TUSC3: variants seen among roughly 807,000 people sequenced by gnomAD.
TUSC3 encodes the protein tumor suppressor candidate 3.
In TUSC3, 45 loss-of-function variants were observed where a neutral mutation model predicts 44.8. That is an observed-to-expected ratio of 1.00 (90% CI 0.79 to 1.29). The LOEUF is 1.29. Among genes scored for constraint, TUSC3 ranks in the 50% most tolerant of loss-of-function variants. The pLI, the probability that TUSC3 is intolerant of heterozygous loss-of-function variation, is 0.00. For missense variants in TUSC3, 519 were observed against 437.9 expected (o/e 1.19, Z -1.65); for synonymous variants, 212 against 152.9 (o/e 1.39, Z -2.85).
intron 2 of TUSC3, among the ~76,000 whole-genome samples, chr8:15,641,166 C>G (rs992821449): frequency 6.6e-6 from 1 of 151,768 alleles, no homozygotes; most frequent in African/African-American, 2.4e-5. Flanking sequence ...CGAGACCATC[C>G]TGGCCAACAT....
chr8:15,820,718 C>G, the TUSC3 span, among the ~76,000 whole-genome samples: 9 of 152,138 alleles, frequency 5.9e-5, no homozygotes, highest in African/African-American at 2.2e-4. Context: ...TTCCTATTTT[C>G]TGAAAAATTT....
At chr8:15,684,755 G>C (rs568690949) in intron 6 of TUSC3, among the ~76,000 whole-genome samples, 3 of 152,306 alleles carry the variant, frequency 2.0e-5, no homozygotes, top group Admixed American at 6.5e-5. Flanking sequence ...TCCCTGGGTG[G>C]TGTGGTCAAG....
intron 1 of TUSC3, among the ~76,000 whole-genome samples, chr8:15,581,959 A>G (rs1384986464): frequency 6.6e-6 from 1 of 150,586 alleles, no homozygotes; most frequent in Non-Finnish European, 1.5e-5. Flanking sequence ...GCAGTCAGCG[A>G]GATTCCGTGG....
chr8:15,593,603 A>G (rs998385058), intron 1 of TUSC3, among the ~76,000 whole-genome samples: 7 of 152,184 alleles, frequency 4.6e-5, no homozygotes, highest in African/African-American at 1.4e-4. Context: ...TATTGTCACA[A>G]AGATTAATTT....
chr8:15,720,623 G>C (rs1022804104), intron 6 of TUSC3, among the ~76,000 whole-genome samples: 2 of 152,052 alleles, frequency 1.3e-5, no homozygotes, highest in Non-Finnish European at 2.9e-5. Context: ...GAATGCAGTG[G>C]TCCTGGACAT....
At chr8:15,638,100 G>A (rs1025426432) in intron 2 of TUSC3, among the ~76,000 whole-genome samples, 13 of 152,000 alleles carry the variant, frequency 8.6e-5, no homozygotes, top group Non-Finnish European at 1.2e-4. Flanking sequence ...CCATGTTATA[G>A]ACCTGTTCTC....
chr8:15,804,936 A>T, the TUSC3 span, among the ~76,000 whole-genome samples: 2 of 152,116 alleles, frequency 1.3e-5, no homozygotes, highest in Non-Finnish European at 1.5e-5. Flanking sequence ...GGCCATTTTA[A>T]CAATATTGAT....
intron 1 of TUSC3, among the ~76,000 whole-genome samples, chr8:15,567,822 C>G (rs1361935478): frequency 6.6e-6 from 1 of 152,158 alleles, no homozygotes; most frequent in Non-Finnish European, 1.5e-5. Context: ...TAAGGACTAT[C>G]TCCTGTGGCA....
At chr8:15,645,471 A>G (rs1451756477) in intron 2 of TUSC3, among the ~76,000 whole-genome samples, 2 of 152,134 alleles carry the variant, frequency 1.3e-5, no homozygotes, top group African/African-American at 4.8e-5. Context: ...CCAGCTCACT[A>G]TTATCTCATC....
intron 1 of TUSC3, among the ~76,000 whole-genome samples, chr8:15,562,991 A>C (rs1203133724): frequency 2.1e-5 from 3 of 145,110 alleles, no homozygotes; most frequent in African/African-American, 7.6e-5. Flanking sequence ...GGTCTTGTCC[A>C]TGCCCAGGGG....
intron 1 of TUSC3, among the ~76,000 whole-genome samples, chr8:15,445,524 C>G (rs370590406): frequency 0.023 from 3,563 of 152,062 alleles, 162 homozygotes; most frequent in African/African-American, 0.08. Flanking sequence ...TGACTCTTAA[C>G]GAGCATGCTG....
chr8:15,452,603 C>T (rs541752513), intron 1 of TUSC3, among the ~76,000 whole-genome samples: 34 of 152,284 alleles, frequency 2.2e-4, no homozygotes, highest in African/African-American at 7.9e-4. Flanking sequence ...AGCAGATAAG[C>T]TATAAGGCAG....
chr8:15,828,586 T>A, the TUSC3 span, among the ~76,000 whole-genome samples: 2 of 152,214 alleles, frequency 1.3e-5, no homozygotes, highest in African/African-American at 4.8e-5. Context: ...ATCAACTGAA[T>A]TACAAAGGCA....
intron 1 of TUSC3, among the ~76,000 whole-genome samples, chr8:15,456,552 G>T (rs995564713): frequency 2.6e-5 from 4 of 151,890 alleles, no homozygotes; most frequent in Non-Finnish European, 5.9e-5. Flanking sequence ...AGTGATATTA[G>T]GGTAGAAAAA....
intron 1 of TUSC3, among the ~76,000 whole-genome samples, chr8:15,607,386 A>G (rs1804576079): frequency 6.6e-6 from 1 of 152,140 alleles, no homozygotes; most frequent in African/African-American, 2.4e-5. Context: ...TCCTTTACAA[A>G]CTACAGTTAT....
chr8:15,505,974 T>C (rs2129127624), intron 2 of TUSC3, among the ~76,000 whole-genome samples: 1 of 152,290 alleles, frequency 6.6e-6, no homozygotes, highest in Admixed American at 6.5e-5. Context: ...TTTTTAAAAA[T>C]CTATTTTACT....
chr8:15,609,302 TATG>T (rs760312526), intron 1 of TUSC3, among the ~76,000 whole-genome samples: 5 of 152,180 alleles, frequency 3.3e-5, no homozygotes, highest in African/African-American at 4.8e-5. Flanking sequence ...AAGATAATTT[TATG>T]ATATAATGTA....
chr8:15,848,597 A>C, the TUSC3 span, among the ~76,000 whole-genome samples: 1 of 48,780 alleles, frequency 2.1e-5, no homozygotes, highest in Non-Finnish European at 9.4e-5. Context: ...GTGAAACTCA[A>C]ACTTAAACAT....
chr8:15,815,679 G>C, the TUSC3 span, among the ~76,000 whole-genome samples: 3 of 152,082 alleles, frequency 2.0e-5, no homozygotes, highest in Non-Finnish European at 4.4e-5. Context: ...CTAATGTTCA[G>C]CAATTCCCAT....
Sources: allele counts gnomAD v4.1 joint callset (sites outside exome capture counted in the v4.1 genomes callset), GRCh38; gene constraint gnomAD v4.1.1; transcripts MANE v1.5; gene names NCBI Gene and HGNC (gene_info 2026-07-23, HGNC 2026-07-21).